COL16A1: variants seen among roughly 807,000 people sequenced by gnomAD.
COL16A1 encodes the protein collagen type XVI alpha 1 chain, also known as collagen alpha-1(XVI) chain.
A neutral mutation model predicts 266.3 loss-of-function variants in COL16A1; 189 were observed. The observed-to-expected ratio is 0.71, with a 90% confidence interval of 0.63 to 0.80. The LOEUF (loss-of-function observed/expected upper bound fraction) is 0.80. COL16A1 is among the 30% of genes least tolerant of loss of function. The pLI is 0.00. For missense variants in COL16A1, 1,928 were observed against 2,122.4 expected (o/e 0.91, Z 1.80); for synonymous variants, 740 against 782.3 (o/e 0.95, Z 0.90).
intron 11 of COL16A1, 78 bp from the exon 12 acceptor site, chr1:31,694,248 G>A (rs1570577345): frequency 7.8e-7 from 1 of 1,276,384 alleles, no homozygotes; most frequent in East Asian, 2.5e-5. Context: ...AAGCAATTTA[G>A]ACAGGGTCAC....
intron 52 of COL16A1, chr1:31,666,302 C>G: frequency 1.7e-6 from 1 of 577,144 alleles, no homozygotes; most frequent in Non-Finnish European, 3.0e-6. Context: ...TCACTGCAAG[C>G]CAGCCAGCAA....
intron 52 of COL16A1, chr1:31,666,301 GCC>G: frequency 1.7e-6 from 1 of 577,064 alleles, no homozygotes; most frequent in Non-Finnish European, 3.0e-6. Context: ...CTCACTGCAA[GCC>G]AGCCAGCAAA....
Position 31,700,085 on chromosome 1 carries a change from C to A in COL16A1, c.104G>T (p.Gly35Val). The change falls in exon 3 of 71, where the codon GGA becomes GTA. Residue 35 changes from glycine to valine, a missense_variant. By Grantham distance (109) the Gly-to-Val change is moderately radical (BLOSUM62 -3). Coordinates refer to ENST00000373672, the MANE Select transcript of COL16A1 (RefSeq NM_001856.4). The stretch of plus-strand genomic sequence containing the variant: ...GCTACTACTGTGTTCCAATTTGAGT[C>A]CTTCCTGCTGTGAAGGTGGGCATTG... ...GAQCPPSQQEGLKLEHSSSLP... is the reference protein window; with the variant it reads ...GAQCPPSQQEVLKLEHSSSLP... 3 of 1,614,138 alleles carry A rather than the reference C, an allele frequency of 1.9e-6. No individual in the cohort carries two copies. The South Asian group carries it at 3.3e-5, about 18-fold the overall frequency.
chr1:31,678,956 A>G lies in COL16A1; in HGVS notation c.2772+676T>C, dbSNP rs1169611407. The stretch of plus-strand genomic sequence containing the variant: ...GGCTTCCTTGCAATTCCCCAAACAC[A>G]TCCCACCTCTGGGCCTTTGCACCGG... On this transcript the variant is annotated intron_variant, in intron 42 of 70. Transcript: ENST00000373672. Among the ~76,000 whole-genome samples the G allele has an allele frequency of 3.9e-5, 6 of 152,216 alleles. 1 individual carries two copies. In the South Asian group the frequency reaches 6.2e-4, roughly 16 times the overall value.
In COL16A1 at chr1:31,688,796, A is replaced by G. The variant is rs1258642251; in HGVS notation, c.1767+65T>C. Reference sequence around the variant, plus strand: ...CCTGAGACTTGGGATCTGAAAAGCCAGGGAGATCAACAGTATGGCAAGGAT... The same window carrying G: ...CCTGAGACTTGGGATCTGAAAAGCCGGGGAGATCAACAGTATGGCAAGGAT... On this transcript the variant is annotated intron_variant, in intron 25 of 70. Transcript: ENST00000373672. This position sits in a 1 kb window ranked among gnomAD's most constrained non-coding sequence, Gnocchi z 4.9. The G allele has an allele frequency of 3.3e-6, 5 of 1,499,276 alleles. No homozygotes were observed. The highest frequency in any genetic ancestry group is 4.6e-6 in the Non-Finnish European group (5 of 1,095,132). The allele number at this position is 1,499,276 out of a possible 1,614,324, so 92.9% of individuals were successfully genotyped here.
chr1:31,657,114 T>C lies in COL16A1; in HGVS notation c.4021-46A>G. ...GAGACATGAGGAGCTCCAACCCAGT[T>C]TGGTGTCAGATGCCTCACTTTGTAC... On this transcript the variant is annotated intron_variant, in intron 64 of 70. Coordinates refer to ENST00000373672, the MANE Select transcript of COL16A1 (RefSeq NM_001856.4). This position sits in a 1 kb window ranked among gnomAD's most constrained non-coding sequence, Gnocchi z 6.4. The C allele has an allele frequency of 6.2e-7, 1 of 1,613,582 alleles. No individual in the cohort carries two copies. Among genetic ancestry groups the C allele is most frequent in the Non-Finnish European group, 8.5e-7 (1 of 1,179,614 alleles).
rs979064717 is a variant in COL16A1 at position 31,684,452 on chromosome 1, C to T, written c.2160+71G>A. On this transcript the variant is annotated intron_variant, in intron 31 of 70. Transcript: ENST00000373672. ...GCCCCAGCTGGCCCTGCAGTCCTTC[C>T]CTCACTGGTGCGACACCTGATTTTT... 5 of 1,571,360 alleles carry T rather than the reference C, an allele frequency of 3.2e-6. 1 individual carries two copies. In the East Asian group the frequency reaches 6.8e-5, roughly 21 times the overall value.
At chr1:31,693,448 C>T (rs1644366766) in intron 12 of COL16A1, among the ~76,000 whole-genome samples, 1 of 152,186 alleles carries the variant, frequency 6.6e-6, no homozygotes, top group Non-Finnish European at 1.5e-5. Flanking sequence ...CATCAGCTCA[C>T]ACACAGCACA....
chr1:31,674,938 A>G, intron 44 of COL16A1, 69 bp downstream of exon 44: 1 of 1,588,262 alleles, frequency 6.3e-7, no homozygotes, highest in Non-Finnish European at 8.6e-7. Flanking sequence ...ACAGCTGAGC[A>G]CTTACTAAGA....
In COL16A1 at chr1:31,663,123, C is replaced by T. The variant is rs1457656645; in HGVS notation, c.3556-465G>A. The T allele has an allele frequency of 5.8e-6, 1 of 173,850 alleles. No homozygotes were observed. The highest frequency in any genetic ancestry group is 1.2e-5 in the Non-Finnish European group (1 of 80,558). The allele number at this position is 173,850 out of a possible 1,614,324, so 10.8% of individuals were successfully genotyped here. ...AACAGCGCACGCAGCACCATGTGGG[C>T]TCTGATTCCCCAAGATGAAAAAGTG... On this transcript the variant is annotated intron_variant, in intron 56 of 70. Transcript: ENST00000373672. This position sits in a 1 kb window ranked among gnomAD's most constrained non-coding sequence, Gnocchi z 4.9.
chr1:31,661,445 T>A lies in COL16A1; in HGVS notation c.3740A>T (p.Lys1247Ile), dbSNP rs1327571360. The A allele has an allele frequency of 6.2e-7, 1 of 1,614,020 alleles. No homozygotes were observed. The highest frequency in any genetic ancestry group is 8.5e-7 in the Non-Finnish European group (1 of 1,180,042). ...TCCTGGGAGGCCAGGATGTCCTGTT[T>A]TCCCCTTAAAGCCCTGAAAGAAAAA... ...GLMGPPGFKG[K>I]TGHPGLPGPK... Residue 1247 changes from lysine (K) to isoleucine (I), a missense_variant, in exon 60 of 71, where the codon AAA (lysine) becomes ATA (isoleucine). Around this residue, in one of 2 missense-constraint regions of COL16A1, gnomAD observed 376 missense variants for 485.2 expected, o/e 0.77. Coordinates refer to ENST00000373672, the MANE Select transcript of COL16A1 (RefSeq NM_001856.4).
At position 31,665,577 on chromosome 1, in the gene COL16A1, A is replaced by C. The variant is rs527452523; in HGVS notation, c.3492+6T>G. 1.9e-6 allele frequency: 3 copies of C among 1,613,956 alleles called. No homozygotes were observed. The South Asian group carries it at 3.3e-5, about 18-fold the overall frequency. ...ACAGAGCTGGCTTTGTGTCTTCTTC[A>C]CTCACCGGTGGGCCCGGAAAGCCTG... On this transcript the variant is annotated splice_donor_region_variant and intron_variant, in intron 55 of 70. Transcript: ENST00000373672.
chr1:31,695,819 C>A (rs1206348513), intron 9 of COL16A1, 32 bp from the exon 10 acceptor site: 2 of 1,597,768 alleles, frequency 1.3e-6, no homozygotes, highest in South Asian at 1.1e-5. Context: ...TGGGAATGGG[C>A]AGGGAGCTCA....
In COL16A1 at chr1:31,685,238, A is replaced by T. The variant is rs1643910735; in HGVS notation, c.2017-382T>A. On this transcript the variant is annotated intron_variant, in intron 29 of 70. Coordinates refer to ENST00000373672, the MANE Select transcript of COL16A1 (RefSeq NM_001856.4). This position sits in a 1 kb window ranked among gnomAD's most constrained non-coding sequence, Gnocchi z 4.0. ...CTGTGAAAGCAGTAACAGTGATAATAACCACAGTGGTAACTGCCATTTCCC... is the reference window on the plus strand; with the variant it reads ...CTGTGAAAGCAGTAACAGTGATAATTACCACAGTGGTAACTGCCATTTCCC... Among the ~76,000 whole-genome samples, 1 of 152,154 alleles carries T rather than the reference A, an allele frequency of 6.6e-6. No individual in the cohort carries two copies. The highest frequency in any genetic ancestry group is 2.4e-5 in the African/African-American group (1 of 41,404).
Position 31,688,909 on chromosome 1 carries a change from C to T in COL16A1, c.1719G>A (p.Gly573=), listed in dbSNP as rs181127119. The change falls in exon 25 of 71, where the codon GGG becomes GGA. Residue 573 remains glycine, a synonymous_variant. Transcript: ENST00000373672. This position sits in a 1 kb window ranked among gnomAD's most constrained non-coding sequence, Gnocchi z 4.9. The stretch of plus-strand genomic sequence containing the variant: ...CAGGGGAACCCACATCTCCACTGGC[C>T]CCTGTGGAGGACACAAGATGCTGGG... ...VGAQHLVSST[G]ASGDVGSPGF... The T allele has an allele frequency of 5.5e-5, 89 of 1,614,108 alleles. No individual in the cohort carries two copies. The East Asian group carries it at 1.9e-3, about 35-fold the overall frequency.
At chr1:31,679,567 G>A (rs373630382) in intron 42 of COL16A1, 65 bp downstream of exon 42, 53 of 1,613,944 alleles carry the variant, frequency 3.3e-5, no homozygotes, top group Admixed American at 8.3e-5. Context: ...GGGTCCAGCC[G>A]GGAGCAGCCA....
Position 31,672,752 on chromosome 1 carries a change from C to G in COL16A1, c.2948G>C (p.Gly983Ala). ...KGEKGDQGIP[G>A]VPGLDNCAQC... is the part of the protein sequence containing the mutation. The stretch of plus-strand genomic sequence containing the variant: ...GGCGCAGTTGTCGAGGCCTGGCACA[C>G]CAGGGATGCCCTGGTCTCCCTTCTC... Residue 983 changes from glycine to alanine, a missense_variant, in exon 45 of 71, where the codon GGT becomes GCT. Coordinates refer to ENST00000373672, the MANE Select transcript of COL16A1 (RefSeq NM_001856.4). 2 of 1,614,158 alleles carry G rather than the reference C, an allele frequency of 1.2e-6. No individual in the cohort carries two copies. The highest frequency in any genetic ancestry group is 1.7e-6 in the Non-Finnish European group (2 of 1,179,980).
chr1:31,696,323 T>G (rs1644497683), intron 8 of COL16A1, among the ~76,000 whole-genome samples, 182 bp from the exon 9 acceptor site: 1 of 136,532 alleles, frequency 7.3e-6, no homozygotes, highest in African/African-American at 2.8e-5. Flanking sequence ...TCCCCCTCCT[T>G]CCCCCCCCAC....
chr1:31,690,075 T>C, intron 22 of COL16A1: 1 of 622,232 alleles, frequency 1.6e-6, no homozygotes, highest in Non-Finnish European at 2.8e-6. Flanking sequence ...CCGTAAGCCT[T>C]AAAACATGAC....
Sources: gnomAD v4.1 joint callset for allele counts (sites outside exome capture counted in the v4.1 genomes callset) on GRCh38, gnomAD v4.1.1 for gene constraint, gnomAD v4.1.1 regional missense constraint, Gnocchi (gnomAD v3.1) non-coding constraint, MANE v1.5 for transcripts, NCBI Gene and HGNC (gene_info 2026-07-23, HGNC 2026-07-21) for gene names.